PRDM10: variants seen among roughly 807,000 people sequenced by gnomAD.
PRDM10 encodes the protein PR/SET domain 10, also known as PR domain zinc finger protein 10.
A neutral mutation model predicts 133.1 loss-of-function variants in PRDM10; 65 were observed. The ratio of observed to expected loss-of-function variants is 0.49; its 90% CI spans 0.40 to 0.60. The LOEUF is 0.60. PRDM10 is among the 20% of genes least tolerant of loss of function. The probability of loss-of-function intolerance (pLI) is 0.00; values close to 1 mark genes in which losing one functional copy is unlikely to be tolerated. For missense variants in PRDM10, 1,137 were observed against 1,507.1 expected (o/e 0.75, Z 4.07); for synonymous variants, 582 against 580.4 (o/e 1.00, Z -0.04).
At chr11:129,938,271 T>A (rs1182189799) in intron 7 of PRDM10, among the ~76,000 whole-genome samples, 1 of 152,136 alleles carries the variant, frequency 6.6e-6, no homozygotes. Context: ...CATCCCAGAC[T>A]CTCTCTGTTC....
chr11:129,936,924 C>T (rs1230628821), intron 8 of PRDM10, among the ~76,000 whole-genome samples: 1 of 152,170 alleles, frequency 6.6e-6, no homozygotes, highest in East Asian at 1.9e-4. Context: ...CATTCATACA[C>T]TAGAATACCA....
chr11:129,940,188 T>TAGCTCCTTCTA (rs1951162406), intron 7 of PRDM10, among the ~76,000 whole-genome samples: 1 of 152,238 alleles, frequency 6.6e-6, no homozygotes, highest in Non-Finnish European at 1.5e-5. Context: ...AAGTCTAAAA[T>TAGCTCCTTCTA]AGCTCCTTCT....
chr11:129,959,305 G>A (rs1420459087), intron 2 of PRDM10, among the ~76,000 whole-genome samples: 1 of 152,180 alleles, frequency 6.6e-6, no homozygotes, highest in Non-Finnish European at 1.5e-5. Flanking sequence ...TTTGTCTATT[G>A]GAAAAATTAG....
intron 11 of PRDM10, among the ~76,000 whole-genome samples, chr11:129,928,835 C>T (rs1950765126): frequency 6.6e-6 from 1 of 152,192 alleles, no homozygotes; most frequent in African/African-American, 2.4e-5. Flanking sequence ...CTCATGTCTG[C>T]ACTGTCCCAA....
At chr11:129,903,406 T>C (rs1949907023) in intron 20 of PRDM10, among the ~76,000 whole-genome samples, 1 of 151,818 alleles carries the variant, frequency 6.6e-6, no homozygotes, top group South Asian at 2.1e-4. Context: ...CAAATAGACA[T>C]TTTAACACTC....
chr11:129,961,427 C>T (rs1951793297), intron 1 of PRDM10, among the ~76,000 whole-genome samples: 1 of 152,110 alleles, frequency 6.6e-6, no homozygotes, highest in African/African-American at 2.4e-5. Flanking sequence ...GCCTCAGCCT[C>T]CTGAGTAGCT....
At position 129,914,773 on chromosome 11, in the gene PRDM10, A is replaced by G. The variant is rs1466585000; in HGVS notation, c.2772T>C (p.Pro924=). Residue 924 remains proline, a synonymous_variant, in exon 17 of 21, where the codon CCT becomes CCC. Coordinates refer to ENST00000360871, the MANE Select transcript of PRDM10 (RefSeq NM_199437.2). ...QGDYQRIQYI[P]VSQSASGLQQ... The stretch of plus-strand genomic sequence containing the variant: ...GGAGGCCAGACGCCGACTGCGACAC[A>G]GGGATGTACTGAATTCTCTGGTAAT... 5 of 1,614,240 alleles carry G rather than the reference A, an allele frequency of 3.1e-6. No individual in the cohort carries two copies. Among genetic ancestry groups the G allele is most frequent in the Non-Finnish European group, 4.2e-6 (5 of 1,180,050 alleles).
intron 1 of PRDM10, among the ~76,000 whole-genome samples, chr11:129,977,556 A>G (rs1223245657): frequency 1.3e-5 from 2 of 152,200 alleles, no homozygotes; most frequent in Non-Finnish European, 2.9e-5. Context: ...TGCTGGGATT[A>G]CAGGCGTGAG....
chr11:129,909,021 C>T (rs547445949), intron 19 of PRDM10, among the ~76,000 whole-genome samples: 2 of 152,024 alleles, frequency 1.3e-5, no homozygotes, highest in South Asian at 2.1e-4. Context: ...TGAGCCACCA[C>T]GCCTGGCCCG....
At chr11:129,984,261 G>T (rs950787223) in intron 1 of PRDM10, among the ~76,000 whole-genome samples, 2 of 152,182 alleles carry the variant, frequency 1.3e-5, no homozygotes, top group African/African-American at 4.8e-5. Context: ...GACCCTCCAG[G>T]CCTTCTCTGC....
At chr11:129,925,442 T>C (rs1950647820) in intron 11 of PRDM10, among the ~76,000 whole-genome samples, 1 of 152,170 alleles carries the variant, frequency 6.6e-6, no homozygotes, top group South Asian at 2.1e-4. Flanking sequence ...GAGATGAAAT[T>C]TTTTTGTGTT....
Position 129,902,042 on chromosome 11 carries a change from A to G in PRDM10, c.*271T>C, listed in dbSNP as rs1278168156. On this transcript the variant is annotated 3_prime_UTR_variant, in exon 21 of 21. Coordinates refer to ENST00000360871, the MANE Select transcript of PRDM10 (RefSeq NM_199437.2). ...AGGCTCGTCAGTATGTTAAAAGACC[A>G]GCTCAAGAGCAAGGCAAATTCTCTC... 7.5e-6 allele frequency: 3 copies of G among 401,786 alleles called. No individual in the cohort carries two copies. Among genetic ancestry groups the G allele is most frequent in the Non-Finnish European group, 1.3e-5 (3 of 224,164 alleles). 24.9% of individuals were successfully genotyped at this position (401,786 alleles called of 1,614,324 possible).
At chr11:129,933,804 C>T (rs1950943477) in intron 9 of PRDM10, among the ~76,000 whole-genome samples, 1 of 152,086 alleles carries the variant, frequency 6.6e-6, no homozygotes, top group Non-Finnish European at 1.5e-5. Flanking sequence ...TGTGTCCACC[C>T]CCTCCTTAGA....
chr11:129,935,286 C>A (rs576462432), intron 8 of PRDM10, 68 bp from the exon 9 acceptor site: 2 of 1,104,492 alleles, frequency 1.8e-6, no homozygotes, highest in Non-Finnish European at 2.8e-6. Context: ...CAAAAGTCTG[C>A]GATCCCCACC....
At chr11:130,002,250 C>A (rs541055039) in intron 1 of PRDM10, among the ~76,000 whole-genome samples, 1 of 150,246 alleles carries the variant, frequency 6.7e-6, no homozygotes, top group Non-Finnish European at 1.5e-5. Flanking sequence ...GCCGCCCAAC[C>A]GCCGTCCCGG....
chr11:129,962,026 C>T (rs193298248), intron 1 of PRDM10, among the ~76,000 whole-genome samples: 8 of 152,176 alleles, frequency 5.3e-5, no homozygotes, highest in South Asian at 2.1e-4. Flanking sequence ...GAGAGGAAGG[C>T]GGCAAGTGGA....
At chr11:129,944,134 G>A (rs903087749) in intron 6 of PRDM10, among the ~76,000 whole-genome samples, 5 of 152,216 alleles carry the variant, frequency 3.3e-5, no homozygotes, top group Non-Finnish European at 7.3e-5. Flanking sequence ...AGGCCTCAGA[G>A]GAAACCAACC....
intron 7 of PRDM10, 60 bp from the exon 8 acceptor site, chr11:129,937,730 T>G: frequency 4.9e-6 from 7 of 1,432,558 alleles, no homozygotes; most frequent in Non-Finnish European, 6.8e-6. Context: ...CTTTGCATGC[T>G]TAAATTATTT....
intron 1 of PRDM10, among the ~76,000 whole-genome samples, chr11:129,994,342 G>A (rs1329678832): frequency 7.2e-6 from 1 of 139,450 alleles, no homozygotes; most frequent in East Asian, 2.5e-4. Context: ...GTGGGTGCCT[G>A]TAATCCCAGC....
Sources: gnomAD v4.1 joint callset for allele counts (sites outside exome capture counted in the v4.1 genomes callset) on GRCh38, gnomAD v4.1.1 for gene constraint, MANE v1.5 for transcripts, NCBI Gene and HGNC (gene_info 2026-07-23, HGNC 2026-07-21) for gene names.